Variants in RPH3A observed in about 807,000 individuals in gnomAD.
RPH3A encodes the protein rabphilin-3A.
RPH3A carries 48 observed loss-of-function variants against 102.2 expected under a neutral mutation model. The observed-to-expected ratio is 0.47, with a 90% CI of 0.37 to 0.60. The LOEUF is 0.60. Among genes scored for constraint, RPH3A ranks in the 20% least tolerant of loss-of-function variants. The pLI, the probability that RPH3A is intolerant of heterozygous loss-of-function variation, is 0.00. For missense variants in RPH3A, 781 were observed against 910.1 expected (o/e 0.86, Z 1.83); for synonymous variants, 310 against 324.3 (o/e 0.96, Z 0.47).
intron 1 of RPH3A, among the ~76,000 whole-genome samples, chr12:112,748,952 T>C (rs2040766817): frequency 6.6e-6 from 1 of 152,126 alleles, no homozygotes; most frequent in Non-Finnish European, 1.5e-5. Flanking sequence ...CTTTGGACTT[T>C]TGGTCTCTCT....
intron 1 of RPH3A, among the ~76,000 whole-genome samples, chr12:112,657,925 C>A (rs960328852): frequency 5.3e-5 from 8 of 152,046 alleles, no homozygotes; most frequent in African/African-American, 1.9e-4. Context: ...AGGGGAAGAG[C>A]ATTCCAGGCA....
intron 2 of RPH3A, among the ~76,000 whole-genome samples, chr12:112,807,730 T>C (rs1199332322): frequency 6.6e-6 from 1 of 152,186 alleles, no homozygotes; most frequent in Non-Finnish European, 1.5e-5. Context: ...CTTGATGTTC[T>C]GGAAAAGGTC....
At chr12:112,869,577 A>C (rs189588292) in intron 8 of RPH3A, 182 bp from the exon 9 acceptor site, 9 of 490,350 alleles carry the variant, frequency 1.8e-5, no homozygotes, top group African/African-American at 5.9e-5. Flanking sequence ...TTGTGCATGC[A>C]AAAAAAAATG....
At chr12:112,837,895 T>TTTCCTCCCTCCC (rs1435394973) in intron 4 of RPH3A, 9 of 370,464 alleles carry the variant, frequency 2.4e-5, no homozygotes, top group Middle Eastern at 5.4e-4. Flanking sequence ...CCCTCCCTCC[T>TTTCCTCCCTCCC]TTCCTCCCTC....
chr12:112,864,143 G>A (rs1282905652), intron 5 of RPH3A, among the ~76,000 whole-genome samples: 1 of 152,200 alleles, frequency 6.6e-6, no homozygotes, highest in East Asian at 1.9e-4. Flanking sequence ...TCAAGAGGGA[G>A]TGCTATTCTA....
At chr12:112,694,490 C>A (rs1296904554) in intron 1 of RPH3A, among the ~76,000 whole-genome samples, 1 of 151,842 alleles carries the variant, frequency 6.6e-6, no homozygotes, top group Non-Finnish European at 1.5e-5. Context: ...GGCTGGCCAC[C>A]AAGCTGAGAT....
At chr12:112,875,533 C>A in intron 11 of RPH3A, 146 bp from the exon 12 acceptor site, 1 of 665,526 alleles carries the variant, frequency 1.5e-6, no homozygotes, top group Non-Finnish European at 2.6e-6. Flanking sequence ...AAAAGCTCCT[C>A]TCCCAGTGGG....
intron 1 of RPH3A, among the ~76,000 whole-genome samples, chr12:112,704,647 C>T (rs2040416362): frequency 6.6e-6 from 1 of 152,190 alleles, no homozygotes; most frequent in African/African-American, 2.4e-5. Flanking sequence ...GCCTTCCAGT[C>T]CTGCTGATGG....
At chr12:112,603,183 A>G (rs1566225056) in intron 1 of RPH3A, among the ~76,000 whole-genome samples, 2 of 152,128 alleles carry the variant, frequency 1.3e-5, no homozygotes, top group South Asian at 4.1e-4. Flanking sequence ...TGACTGTCTT[A>G]TGATTGCTTC....
At chr12:112,730,369 G>T (rs2040624011) in intron 1 of RPH3A, among the ~76,000 whole-genome samples, 1 of 152,224 alleles carries the variant, frequency 6.6e-6, no homozygotes, top group Admixed American at 6.5e-5. Context: ...GCCCCATCAG[G>T]GGTAGCCTCA....
chr12:112,872,242 A>G (rs986460404), intron 10 of RPH3A, among the ~76,000 whole-genome samples: 1 of 152,134 alleles, frequency 6.6e-6, no homozygotes, highest in African/African-American at 2.4e-5. Flanking sequence ...TTAATAAGTC[A>G]TCCCAGTGGT....
chr12:112,591,962 G>A (rs2039482192), intron 1 of RPH3A, among the ~76,000 whole-genome samples: 1 of 152,118 alleles, frequency 6.6e-6, no homozygotes, highest in South Asian at 2.1e-4. Flanking sequence ...TTCTCAAGTC[G>A]CTGACATAGA....
At chr12:112,753,756 T>C (rs1428704289) in intron 1 of RPH3A, among the ~76,000 whole-genome samples, 1 of 152,178 alleles carries the variant, frequency 6.6e-6, no homozygotes, top group African/African-American at 2.4e-5. Context: ...TGAATCCTAG[T>C]TATGATTGGC....
intron 1 of RPH3A, among the ~76,000 whole-genome samples, chr12:112,723,138 C>A (rs2040562385): frequency 6.6e-6 from 1 of 152,108 alleles, no homozygotes; most frequent in African/African-American, 2.4e-5. Context: ...GGCCCTTGAG[C>A]AGTGTAGGGA....
chr12:112,630,860 T>A (rs2039798950), intron 1 of RPH3A, among the ~76,000 whole-genome samples: 1 of 151,860 alleles, frequency 6.6e-6, no homozygotes, highest in African/African-American at 2.4e-5. Flanking sequence ...GTGGGATGGG[T>A]TGGTGGGAAC....
chr12:112,599,443 G>A (rs1432936983), intron 1 of RPH3A, among the ~76,000 whole-genome samples: 1 of 152,176 alleles, frequency 6.6e-6, no homozygotes, highest in African/African-American at 2.4e-5. Flanking sequence ...TATATTTTAT[G>A]TGGTTACATT....
intron 1 of RPH3A, among the ~76,000 whole-genome samples, chr12:112,784,597 G>T (rs142190508): frequency 6.6e-6 from 1 of 152,110 alleles, no homozygotes; most frequent in Non-Finnish European, 1.5e-5. Flanking sequence ...TTATTTATTC[G>T]ACATTGACCA....
chr12:112,633,013 T>C (rs1265780749), intron 1 of RPH3A, among the ~76,000 whole-genome samples: 3 of 151,624 alleles, frequency 2.0e-5, no homozygotes, highest in East Asian at 3.9e-4. Flanking sequence ...GGAAACATAG[T>C]GAGACCCTGT....
intron 17 of RPH3A, among the ~76,000 whole-genome samples, chr12:112,889,719 C>A (rs1204264931): frequency 6.6e-6 from 1 of 152,214 alleles, no homozygotes; most frequent in Non-Finnish European, 1.5e-5. Flanking sequence ...AATGCTCTGA[C>A]ACTTATTGGC....
Sources: allele counts gnomAD v4.1 joint callset (sites outside exome capture counted in the v4.1 genomes callset), GRCh38; gene constraint gnomAD v4.1.1; transcripts MANE v1.5; gene names NCBI Gene and HGNC (gene_info 2026-07-23, HGNC 2026-07-21).